Variants in LAMC1 observed in about 807,000 individuals in gnomAD.
The protein encoded by LAMC1 is laminin subunit gamma-1.
LAMC1 carries 38 observed loss-of-function variants against 173.6 expected under a neutral mutation model. The ratio of observed to expected loss-of-function variants is 0.22; its 90% CI spans 0.17 to 0.29. The LOEUF is 0.29. Ranked by LOEUF, LAMC1 falls within the 10% of genes least tolerant of loss-of-function variation. The pLI, the probability that LAMC1 is intolerant of heterozygous loss-of-function variation, is 1.00. For missense variants in LAMC1, 1,824 were observed against 2,051.8 expected, an observed-to-expected ratio of 0.89 and a Z score of 2.14; for synonymous variants, 746 against 749.1, an observed-to-expected ratio of 1.00 and a Z score of 0.07.
intron 4 of LAMC1, among the ~76,000 whole-genome samples, chr1:183,110,904 T>C (rs1242591379): frequency 6.6e-6 from 1 of 152,196 alleles, no homozygotes; most frequent in Non-Finnish European, 1.5e-5. Context: ...CTGCAAGGTT[T>C]AGAAATTTGT....
intron 4 of LAMC1, 116 bp downstream of exon 4, chr1:183,110,770 TTTTGTGTAA>T: frequency 9.4e-7 from 1 of 1,060,174 alleles, no homozygotes; most frequent in Admixed American, 2.2e-5. Context: ...AAGGCCAGCT[TTTTGTGTAA>T]TTTGAGTAGT....
Position 183,133,898 on chromosome 1 carries a change from T to C in LAMC1, c.3849+348T>C, listed in dbSNP as rs556556831. On this transcript the variant is annotated intron_variant, in intron 22 of 27. Coordinates refer to ENST00000258341, the MANE Select transcript of LAMC1 (RefSeq NM_002293.4). ...AATAGCAAAGACTACTTTAATGATA[T>C]GAACAATCACTCCTAAGTCTTTAGT... 3.9e-5 allele frequency among the ~76,000 whole-genome samples: 6 copies of C among 152,374 alleles called. No individual in the cohort carries two copies. In the South Asian group the frequency reaches 6.2e-4, roughly 16 times the overall value.
At chr1:183,111,375 C>G (rs556865857) in intron 4 of LAMC1, among the ~76,000 whole-genome samples, 3 of 152,292 alleles carry the variant, frequency 2.0e-5, no homozygotes, top group East Asian at 1.9e-4. Flanking sequence ...GTGGGAGCCA[C>G]TGCGCCTGGC....
intron 4 of LAMC1, among the ~76,000 whole-genome samples, chr1:183,111,992 T>C (rs1193372768): frequency 2.0e-5 from 3 of 152,138 alleles, no homozygotes; most frequent in African/African-American, 7.2e-5. Context: ...TGAGTCAAGA[T>C]TGCGCCACTG....
intron 1 of LAMC1, among the ~76,000 whole-genome samples, chr1:183,034,465 G>A (rs1286438414): frequency 3.3e-5 from 5 of 152,128 alleles, no homozygotes; most frequent in African/African-American, 1.2e-4. Context: ...TAGAGTCGGG[G>A]TTTTACCATG....
intron 2 of LAMC1, among the ~76,000 whole-genome samples, chr1:183,104,357 T>G (rs539526893): frequency 4.6e-4 from 70 of 152,356 alleles, no homozygotes; most frequent in Admixed American, 1.3e-3. Context: ...TTCTTCTATG[T>G]TGCTCATATT....
chr1:183,110,067 G>A (rs890157935), intron 3 of LAMC1, among the ~76,000 whole-genome samples: 1 of 152,120 alleles, frequency 6.6e-6, no homozygotes, highest in Non-Finnish European at 1.5e-5. Context: ...TATGAAATAG[G>A]CATTGTCATC....
rs1302873195 is a variant in LAMC1, at chr1:183,118,047, A to G, written c.1891A>G (p.Thr631Ala). The stretch of plus-strand genomic sequence containing the variant: ...CTTTCTCTCCAGGCTCCATGAAGCA[A>G]CAGATTACCCTTGGAGGCCTGCTCT... Reference protein sequence around the residue: ...VKYVFRLHEATDYPWRPALTP... With the variant: ...VKYVFRLHEAADYPWRPALTP... The change falls in exon 11 of 28, where the codon ACA becomes GCA. Residue 631 changes from threonine to alanine, a missense_variant. By Grantham distance (58) the Thr-to-Ala change is moderately conservative. Coordinates refer to ENST00000258341, the MANE Select transcript of LAMC1 (RefSeq NM_002293.4). The G allele has an allele frequency of 1.2e-6, 2 of 1,610,424 alleles. No individual in the cohort carries two copies. Among genetic ancestry groups the G allele is most frequent in the Admixed American group, 1.7e-5 (1 of 59,902 alleles).
At chr1:183,111,275 CG>C (rs1235796998) in intron 4 of LAMC1, among the ~76,000 whole-genome samples, 2 of 151,864 alleles carry the variant, frequency 1.3e-5, no homozygotes, top group Non-Finnish European at 2.9e-5. Flanking sequence ...TTAGTAGAGA[CG>C]GGGTTTCACC....
chr1:183,127,187 C>A, intron 16 of LAMC1, 39 bp from the exon 17 acceptor site: 1 of 1,581,792 alleles, frequency 6.3e-7, no homozygotes, highest in South Asian at 1.1e-5. Flanking sequence ...ACTCTTCCTT[C>A]TTTTGCTAAT....
intron 1 of LAMC1, among the ~76,000 whole-genome samples, chr1:183,056,444 G>T (rs1330513834): frequency 6.6e-6 from 1 of 152,108 alleles, no homozygotes; most frequent in African/African-American, 2.4e-5. Context: ...AATCTGGTGT[G>T]TTTATTATCC....
chr1:183,055,053 A>G (rs10797824), intron 1 of LAMC1, among the ~76,000 whole-genome samples: 57,445 of 149,548 alleles, frequency 0.38, 11,422 homozygotes, highest in East Asian at 0.49. Context: ...CAGTGACGCA[A>G]TCTCGGCTCA....
intron 4 of LAMC1, among the ~76,000 whole-genome samples, chr1:183,111,098 T>C (rs1364004882): frequency 3.4e-5 from 2 of 58,510 alleles, no homozygotes; most frequent in African/African-American, 8.0e-5. Context: ...TTTTCTTTTC[T>C]TTTTTTTTTT....
intron 1 of LAMC1, among the ~76,000 whole-genome samples, chr1:183,030,561 C>T (rs1653824143): frequency 6.6e-6 from 1 of 152,182 alleles, no homozygotes; most frequent in Non-Finnish European, 1.5e-5. Context: ...AGTGCCATCT[C>T]TCCATTTTAT....
Position 183,023,794 on chromosome 1 carries a change from G to C in LAMC1, c.78G>C (p.Ala26=). 8 of 1,494,552 alleles carry C rather than the reference G, an allele frequency of 5.4e-6. No homozygotes were observed. The highest frequency in any genetic ancestry group is 7.1e-6 in the Non-Finnish European group (8 of 1,124,500). The allele number at this position is 1,494,552 out of a possible 1,614,324, so 92.6% of individuals were successfully genotyped here. ...RLWPVLAVLA[A]AAAAGCAQAA... is the part of the protein sequence containing the mutation. The stretch of plus-strand genomic sequence containing the variant: ...GGCCCGTGCTGGCCGTGCTGGCGGC[G>C]GCCGCCGCGGCGGGCTGTGCCCAGG... Residue 26 remains alanine (A), a synonymous_variant, in exon 1 of 28, where the codon GCG becomes GCC. Transcript: ENST00000258341.
intron 2 of LAMC1, among the ~76,000 whole-genome samples, chr1:183,103,936 G>A (rs1655902364): frequency 6.6e-6 from 1 of 150,480 alleles, no homozygotes; most frequent in South Asian, 2.2e-4. Flanking sequence ...TGTACCTGAG[G>A]TGGAAACATT....
At chr1:183,029,040 T>C (rs369954635) in intron 1 of LAMC1, among the ~76,000 whole-genome samples, 2 of 152,334 alleles carry the variant, frequency 1.3e-5, no homozygotes, top group South Asian at 4.1e-4. Context: ...ACTGAGTTTC[T>C]CAACCGATGT....
intron 26 of LAMC1, among the ~76,000 whole-genome samples, chr1:183,139,731 T>G (rs1375647891): frequency 6.6e-6 from 1 of 152,234 alleles, no homozygotes; most frequent in East Asian, 1.9e-4. Context: ...ATTTAGACAC[T>G]TCCTCTTCCA....
rs1656648660 is a variant in LAMC1 at position 183,127,359 on chromosome 1, T to G, written c.3078T>G (p.Pro1026=). ...EENYFYNRSW[P]GCQECPACYR... ...ACTATTTCTACAATCGGTCTTGGCC[T>G]GGCTGCCAGGAATGTCCAGCTTGTT... Residue 1026 remains proline (P), a synonymous_variant, in exon 17 of 28, where the codon CCT becomes CCG. Coordinates refer to ENST00000258341, the MANE Select transcript of LAMC1 (RefSeq NM_002293.4). The G allele has an allele frequency of 6.2e-7, 1 of 1,614,056 alleles. No individual in the cohort carries two copies. Among genetic ancestry groups the G allele is most frequent in the African/African-American group, 1.3e-5 (1 of 74,924 alleles).
Sources: allele counts gnomAD v4.1 joint callset (sites outside exome capture counted in the v4.1 genomes callset), GRCh38; gene constraint gnomAD v4.1.1; transcripts MANE v1.5; gene names NCBI Gene and HGNC (gene_info 2026-07-23, HGNC 2026-07-21).